SLC35F1: variants seen among roughly 807,000 people sequenced by gnomAD.
SLC35F1 encodes the protein solute carrier family 35 member F1.
A neutral mutation model predicts 48.7 loss-of-function variants in SLC35F1; 14 were observed. The ratio of observed to expected loss-of-function variants is 0.29; its 90% CI spans 0.19 to 0.45. SLC35F1 has a LOEUF of 0.45. Among genes scored for constraint, SLC35F1 ranks in the 20% least tolerant of loss-of-function variants. SLC35F1 has a pLI of 1.00. For missense variants in SLC35F1, 404 were observed against 500.0 expected (o/e 0.81, Z 1.83); for synonymous variants, 190 against 202.2 (o/e 0.94, Z 0.51).
chr6:117,971,801 C>T (rs1464955163), intron 1 of SLC35F1, among the ~76,000 whole-genome samples: 1 of 152,368 alleles, frequency 6.6e-6, no homozygotes, highest in Non-Finnish European at 1.5e-5. Flanking sequence ...GGCACCATGT[C>T]TGGGGCTACA....
rs987785653 is a variant in SLC35F1, at chr6:118,233,026, C to T, written c.350-2483C>T. 3.3e-5 allele frequency among the ~76,000 whole-genome samples: 5 copies of T among 151,686 alleles called. 1 individual carries two copies. The highest frequency in any genetic ancestry group is 1.3e-4 in the Admixed American group (2 of 15,256). Reference sequence around the variant, plus strand: ...CTGTTGCCAGGCTGGAGTGCAGTGGCGCCATCTCGGCTCACTGCAACCTCC... The same window carrying T: ...CTGTTGCCAGGCTGGAGTGCAGTGGTGCCATCTCGGCTCACTGCAACCTCC... On this transcript the variant is annotated intron_variant, in intron 2 of 7. Transcript: ENST00000360388.
chr6:117,907,751 C>G lies in SLC35F1; in HGVS notation c.25C>G (p.Gln9Glu). The G allele has an allele frequency of 6.4e-7, 1 of 1,556,126 alleles. No individual in the cohort carries two copies. The highest frequency in any genetic ancestry group is 1.1e-5 in the South Asian group (1 of 87,710). The stretch of plus-strand genomic sequence containing the variant: ...GATGATCCCCCCTGAGCAGCCGCAG[C>G]AGCAGCTGCAGCCGCCGTCGCCAGC... Reference protein sequence around the residue: MIPPEQPQQQLQPPSPAPP... With the variant: MIPPEQPQEQLQPPSPAPP... Residue 9 changes from glutamine (Q) to glutamate (E), a missense_variant, in exon 1 of 8, where the codon CAG becomes GAG. By Grantham distance (29) the Gln-to-Glu change is conservative. Transcript: ENST00000360388.
chr6:117,942,209 C>T (rs1776241834), intron 1 of SLC35F1, among the ~76,000 whole-genome samples: 1 of 152,158 alleles, frequency 6.6e-6, no homozygotes, highest in Non-Finnish European at 1.5e-5. Flanking sequence ...ATTCGAGTCT[C>T]ACTGACACCA....
chr6:118,041,899 G>T (rs992625518), intron 1 of SLC35F1, among the ~76,000 whole-genome samples: 28 of 151,804 alleles, frequency 1.8e-4, no homozygotes, highest in African/African-American at 6.8e-4. Context: ...GAGGACTTCA[G>T]ATGTTATTCA....
chr6:117,977,185 T>C (rs958128550), intron 1 of SLC35F1, among the ~76,000 whole-genome samples: 6 of 150,472 alleles, frequency 4.0e-5, no homozygotes, highest in Admixed American at 2.0e-4. Flanking sequence ...ATTTTTCTTT[T>C]TCTTTTTCTT....
At position 118,236,835 on chromosome 6, in the gene SLC35F1, A is replaced by C. The variant is rs548711106; in HGVS notation, c.477+1199A>C. Among the ~76,000 whole-genome samples, 3 of 152,332 alleles carry C rather than the reference A, an allele frequency of 2.0e-5. No homozygotes were observed. In the East Asian group the frequency reaches 5.8e-4, roughly 29 times the overall value. ...ACTGATGTTGGAAGAGATACAAGGCAATAGCCAGATGCCTCATGAGACTCC... is the reference window on the plus strand; with the variant it reads ...ACTGATGTTGGAAGAGATACAAGGCCATAGCCAGATGCCTCATGAGACTCC... On this transcript the variant is annotated intron_variant, in intron 3 of 7. Transcript: ENST00000360388.
At chr6:117,991,851 T>C (rs1776923072) in intron 1 of SLC35F1, among the ~76,000 whole-genome samples, 1 of 152,208 alleles carries the variant, frequency 6.6e-6, no homozygotes, top group Non-Finnish European at 1.5e-5. Context: ...TTTCAAAATA[T>C]ATGTAGTGAC....
chr6:118,108,594 T>G (rs1183317984), intron 1 of SLC35F1, among the ~76,000 whole-genome samples: 1 of 152,182 alleles, frequency 6.6e-6, no homozygotes, highest in Non-Finnish European at 1.5e-5. Flanking sequence ...GGATGTATGA[T>G]TAAATGAAAG....
intron 1 of SLC35F1, among the ~76,000 whole-genome samples, chr6:118,034,126 A>AAAAAAAATT (rs1772093640): frequency 3.9e-5 from 6 of 152,220 alleles, no homozygotes; most frequent in Admixed American, 3.9e-4. Context: ...TAGCAAGGAT[A>AAAAAAAATT]GCAATTTTTT....
intron 1 of SLC35F1, among the ~76,000 whole-genome samples, chr6:117,920,603 G>A (rs1775885492): frequency 6.6e-6 from 1 of 152,186 alleles, no homozygotes; most frequent in Admixed American, 6.5e-5. Context: ...TAGATGGGAG[G>A]AGTTAGAGCA....
chr6:118,173,070 T>TA (rs1239139683), intron 2 of SLC35F1, among the ~76,000 whole-genome samples: 12 of 152,124 alleles, frequency 7.9e-5, no homozygotes, highest in Non-Finnish European at 1.6e-4. Flanking sequence ...CACATCATCT[T>TA]TAATCCCCAC....
At chr6:117,979,598 T>G (rs1776748822) in intron 1 of SLC35F1, among the ~76,000 whole-genome samples, 1 of 152,192 alleles carries the variant, frequency 6.6e-6, no homozygotes, top group African/African-American at 2.4e-5. Flanking sequence ...CCTGCTGTGT[T>G]CTGCCTTTAC....
chr6:118,092,486 C>A (rs1463347046), intron 1 of SLC35F1, among the ~76,000 whole-genome samples: 1 of 152,186 alleles, frequency 6.6e-6, no homozygotes, highest in Non-Finnish European at 1.5e-5. Context: ...GGTGTGTGAG[C>A]CCCCACACAG....
At chr6:118,031,694 C>G (rs1363229111) in intron 1 of SLC35F1, among the ~76,000 whole-genome samples, 1 of 152,194 alleles carries the variant, frequency 6.6e-6, no homozygotes, top group Non-Finnish European at 1.5e-5. Context: ...TAGGGCAACC[C>G]CATAGGGAGT....
intron 1 of SLC35F1, among the ~76,000 whole-genome samples, chr6:118,069,888 G>A (rs1218769709): frequency 2.0e-5 from 3 of 152,064 alleles, no homozygotes; most frequent in Admixed American, 6.5e-5. Context: ...TGTAATCCCA[G>A]CACTTTGGGA....
Position 118,310,517 on chromosome 6 carries a change from T to C in SLC35F1, c.1003-3511T>C, listed in dbSNP as rs538465105. Among the ~76,000 whole-genome samples the C allele has an allele frequency of 7.9e-5, 12 of 152,320 alleles. No homozygotes were observed. The East Asian group carries it at 2.3e-3, about 29-fold the overall frequency. On this transcript the variant is annotated intron_variant, in intron 7 of 7. Transcript: ENST00000360388. ...AGGAAAAATAAAACTTTTTTTACTT[T>C]TTTTTTAAAAAAATAAAACCTTTCT...
Position 118,275,646 on chromosome 6 carries a change from T to C in SLC35F1, c.794+31T>C, listed in dbSNP as rs200929516. ...TAAAAATAACAAGAAATATAGATAG[T>C]AGAGGGACTGTCAAGACTTATTCTT... On this transcript the variant is annotated intron_variant, in intron 5 of 7. Transcript: ENST00000360388. 1,002 of 1,603,334 alleles carry C rather than the reference T, an allele frequency of 6.2e-4. 1 individual carries two copies. Among genetic ancestry groups the C allele is most frequent in the Non-Finnish European group, 8.2e-4 (959 of 1,172,460 alleles).
chr6:118,038,734 G>C (rs2114899632), intron 1 of SLC35F1, among the ~76,000 whole-genome samples: 1 of 151,990 alleles, frequency 6.6e-6, no homozygotes. Context: ...TGTGTCTTCT[G>C]CCTCAGCCTC....
intron 1 of SLC35F1, among the ~76,000 whole-genome samples, chr6:117,984,532 CAT>C (rs1323487560): frequency 3.4e-5 from 5 of 147,448 alleles, no homozygotes; most frequent in Admixed American, 1.4e-4. Context: ...TTTCATGACA[CAT>C]AAATGTATAT....
Sources: allele counts gnomAD v4.1 joint callset (sites outside exome capture counted in the v4.1 genomes callset), GRCh38; gene constraint gnomAD v4.1.1; transcripts MANE v1.5; gene names NCBI Gene and HGNC (gene_info 2026-07-23, HGNC 2026-07-21).